The following RABGAP1L variants were observed in gnomAD, a reference collection of about 807,000 sequenced individuals.
RABGAP1L encodes RAB GTPase activating protein 1 like.
In RABGAP1L, 63 loss-of-function variants were observed where a neutral mutation model predicts 137.7. The ratio of observed to expected loss-of-function variants is 0.46; its 90% CI spans 0.37 to 0.56. The LOEUF (loss-of-function observed/expected upper bound fraction) is 0.56. Among genes scored for constraint, RABGAP1L ranks in the 20% least tolerant of loss-of-function variants. RABGAP1L has a pLI of 0.00. For missense variants in RABGAP1L, 1,095 were observed against 1,244.0 expected (o/e 0.88, Z 1.80); for synonymous variants, 431 against 433.7 (o/e 0.99, Z 0.08).
rs578109667 is a variant in RABGAP1L at position 174,960,622 on chromosome 1, GT to G, written c.2433+3074del. 8.5e-5 allele frequency among the ~76,000 whole-genome samples: 13 copies of G among 152,102 alleles called. 1 individual carries two copies. In the South Asian group the frequency reaches 2.7e-3, roughly 32 times the overall value. ...TTTAAAAACATGAATTTTATGGTAT[GT>G]GAATTACATCTCCAAAGAAAAAAAA... On this transcript the variant is annotated intron_variant, in intron 20 of 25. Coordinates refer to ENST00000681986, the MANE Select transcript of RABGAP1L (RefSeq NM_001366446.1).
At chr1:174,797,152 G>T in intron 18 of RABGAP1L, among the ~76,000 whole-genome samples, 1 of 151,794 alleles carries the variant, frequency 6.6e-6, no homozygotes, top group African/African-American at 2.4e-5. Context: ...ATCTTTTTGG[G>T]CAAGTCCTGT....
At chr1:174,221,395 C>G (rs983012004) in intron 3 of RABGAP1L, among the ~76,000 whole-genome samples, 1 of 152,172 alleles carries the variant, frequency 6.6e-6, no homozygotes, top group Middle Eastern at 3.2e-3. Context: ...CCTAGTACTT[C>G]ATGCATGGTA....
intron 10 of RABGAP1L, among the ~76,000 whole-genome samples, chr1:174,302,220 T>A (rs1461440542): frequency 6.6e-6 from 1 of 152,232 alleles, no homozygotes; most frequent in Non-Finnish European, 1.5e-5. Flanking sequence ...TTTTGCTGCT[T>A]CATTATTCCT....
intron 17 of RABGAP1L, among the ~76,000 whole-genome samples, chr1:174,712,029 T>C (rs1321661016): frequency 1.3e-5 from 2 of 152,164 alleles, no homozygotes; most frequent in African/African-American, 2.4e-5. Context: ...AGCTAAAGGA[T>C]TGTATATGCA....
chr1:174,930,609 G>A (rs1173408543), intron 19 of RABGAP1L, among the ~76,000 whole-genome samples: 1 of 152,032 alleles, frequency 6.6e-6, no homozygotes, highest in East Asian at 1.9e-4. Context: ...GAGCCACTGC[G>A]CCCAGCATAC....
At chr1:174,283,528 A>G (rs1030844098) in intron 10 of RABGAP1L, among the ~76,000 whole-genome samples, 7 of 151,004 alleles carry the variant, frequency 4.6e-5, no homozygotes, top group African/African-American at 1.7e-4. Flanking sequence ...TTTTTTTGAG[A>G]CGGAGTCTCA....
intron 11 of RABGAP1L, among the ~76,000 whole-genome samples, chr1:174,329,422 A>G (rs757973526): frequency 6.6e-6 from 1 of 152,170 alleles, no homozygotes; most frequent in Non-Finnish European, 1.5e-5. Flanking sequence ...AACTAATACA[A>G]ATTATTCACA....
At chr1:174,805,034 C>A (rs1184147487) in intron 18 of RABGAP1L, among the ~76,000 whole-genome samples, 1 of 151,790 alleles carries the variant, frequency 6.6e-6, no homozygotes, top group Non-Finnish European at 1.5e-5. Flanking sequence ...TGATACCCCC[C>A]AAAAAATCTA....
chr1:174,825,966 G>T (rs1331920270), intron 19 of RABGAP1L, among the ~76,000 whole-genome samples: 1 of 152,198 alleles, frequency 6.6e-6, no homozygotes, highest in East Asian at 1.9e-4. Flanking sequence ...GCGAGATGCT[G>T]AGGCTTGGAG....
At chr1:174,701,859 G>C (rs907749581) in intron 16 of RABGAP1L, among the ~76,000 whole-genome samples, 3 of 151,966 alleles carry the variant, frequency 2.0e-5, no homozygotes, top group Non-Finnish European at 4.4e-5. Context: ...CAAGAATCAA[G>C]AACAGTCAAG....
At chr1:174,458,020 A>G (rs1558251474) in intron 13 of RABGAP1L, among the ~76,000 whole-genome samples, 2 of 152,164 alleles carry the variant, frequency 1.3e-5, no homozygotes, top group African/African-American at 4.8e-5. Context: ...GCCAGGGACT[A>G]TTCTTAATTC....
In RABGAP1L at chr1:174,805,170, G is replaced by A. The variant is rs987338881; in HGVS notation, c.2212-6662G>A. On this transcript the variant is annotated intron_variant, in intron 18 of 25. Coordinates refer to ENST00000681986, the MANE Select transcript of RABGAP1L (RefSeq NM_001366446.1). ...TAATAAATTCATGGAACAAATTTAT[G>A]TCGATATCTATTATGTGTCAGGCAA... 9.9e-5 allele frequency among the ~76,000 whole-genome samples: 15 copies of A among 152,284 alleles called. No homozygotes were observed. The Middle Eastern group carries it at 0.02, about 207-fold the overall frequency.
chr1:174,406,616 A>G (rs569466175), intron 13 of RABGAP1L, among the ~76,000 whole-genome samples: 1 of 152,302 alleles, frequency 6.6e-6, no homozygotes, highest in East Asian at 1.9e-4. Context: ...CACCTTGTGT[A>G]GTTTTGTAGG....
chr1:174,611,873 T>A lies in RABGAP1L; in HGVS notation c.1711-25502T>A, dbSNP rs1479696087. Among the ~76,000 whole-genome samples, 31 of 152,104 alleles carry A rather than the reference T, an allele frequency of 2.0e-4. 1 individual carries two copies. The highest frequency in any genetic ancestry group is 4.1e-4 in the South Asian group (2 of 4,822). On this transcript the variant is annotated intron_variant, in intron 13 of 25. Coordinates refer to ENST00000681986, the MANE Select transcript of RABGAP1L (RefSeq NM_001366446.1). Reference sequence around the variant, plus strand: ...CTCTCTGTTTGTCTGTTATTGGTGTTTAAGAATGCTTGTGATTTTTGCACA... The same window carrying A: ...CTCTCTGTTTGTCTGTTATTGGTGTATAAGAATGCTTGTGATTTTTGCACA...
intron 14 of RABGAP1L, among the ~76,000 whole-genome samples, chr1:174,640,359 A>C (rs1674431352): frequency 6.6e-6 from 1 of 152,138 alleles, no homozygotes; most frequent in Admixed American, 6.6e-5. Flanking sequence ...ATTATTCTCA[A>C]GCTTCCACAT....
intron 13 of RABGAP1L, among the ~76,000 whole-genome samples, chr1:174,529,649 GC>G (rs2147880851): frequency 6.6e-6 from 1 of 152,248 alleles, no homozygotes; most frequent in Non-Finnish European, 1.5e-5. Context: ...AGGTGTTGAA[GC>G]CTTGGTTCCA....
At chr1:174,829,024 C>T (rs1453159054) in intron 19 of RABGAP1L, among the ~76,000 whole-genome samples, 2 of 147,614 alleles carry the variant, frequency 1.4e-5, no homozygotes, top group Non-Finnish European at 1.5e-5. Flanking sequence ...AGAAACTTGG[C>T]ACAATGTAGT....
At chr1:174,973,581 C>T (rs1456977345) in intron 21 of RABGAP1L, among the ~76,000 whole-genome samples, 2 of 151,996 alleles carry the variant, frequency 1.3e-5, no homozygotes, top group Admixed American at 1.3e-4. Context: ...GACGGGGTTT[C>T]ACCATGTTGG....
At position 174,761,903 on chromosome 1, in the gene RABGAP1L, T is replaced by C. The variant is rs1300380930; in HGVS notation, c.2211+9549T>C. Among the ~76,000 whole-genome samples the C allele has an allele frequency of 1.3e-5, 2 of 152,032 alleles. No individual in the cohort carries two copies. Among genetic ancestry groups the C allele is most frequent in the Non-Finnish European group, 2.9e-5 (2 of 68,014 alleles). On this transcript the variant is annotated intron_variant, in intron 18 of 25. Transcript: ENST00000681986. This position sits in a 1 kb window ranked among gnomAD's most constrained non-coding sequence, Gnocchi z 4.0. ...ACATAATAAATATATAAATATAGTA[T>C]ATTAGAAGTTATAGTATTATGGGGA...
Sources: allele counts gnomAD v4.1 joint callset (sites outside exome capture counted in the v4.1 genomes callset), GRCh38; gene constraint gnomAD v4.1.1; non-coding constraint Gnocchi (gnomAD v3.1); transcripts MANE v1.5; gene names NCBI Gene and HGNC (gene_info 2026-07-23, HGNC 2026-07-21).